Variants in OTOF observed in about 807,000 individuals in gnomAD.
The protein encoded by OTOF is fer-1-like family member 2.
Under a neutral mutation model 236.8 loss-of-function variants are expected in OTOF, and 218 were observed. That is an observed-to-expected ratio of 0.92 (90% confidence interval 0.82 to 1.03). The LOEUF is 1.03. OTOF is among the 50% of genes least tolerant of loss of function. OTOF has a pLI of 0.00. For synonymous variants in OTOF, 1,041 were observed against 1,072.5 expected (o/e 0.97, Z 0.57); for missense variants, 2,590 against 2,694.4 (o/e 0.96, Z 0.86).
At chr2:26,545,591 T>G (rs1365092165) in intron 1 of OTOF, among the ~76,000 whole-genome samples, 2 of 152,166 alleles carry the variant, frequency 1.3e-5, no homozygotes, top group African/African-American at 4.8e-5. Flanking sequence ...ATGTTTAGTC[T>G]TTTAAAATTT....
intron 2 of OTOF, 104 bp downstream of exon 2, chr2:26,537,612 G>T (rs1335422743): frequency 2.3e-6 from 2 of 858,364 alleles, no homozygotes; most frequent in Non-Finnish European, 3.9e-6. Context: ...GAGCAGGCCA[G>T]TGCCTGGGAT....
At chr2:26,478,415 C>A (rs1201950435) in intron 18 of OTOF, among the ~76,000 whole-genome samples, 2 of 152,158 alleles carry the variant, frequency 1.3e-5, no homozygotes, top group Admixed American at 6.5e-5. Flanking sequence ...GGTTTTAATT[C>A]ATTTTTATAA....
At chr2:26,486,690 C>T (rs890992145) in intron 11 of OTOF, among the ~76,000 whole-genome samples, 4 of 152,146 alleles carry the variant, frequency 2.6e-5, no homozygotes, top group Non-Finnish European at 5.9e-5. Context: ...GTAGTGAGTG[C>T]CCCATTTCTG....
At chr2:26,530,558 G>C (rs765725016) in intron 2 of OTOF, among the ~76,000 whole-genome samples, 1 of 152,144 alleles carries the variant, frequency 6.6e-6, no homozygotes, top group African/African-American at 2.4e-5. Flanking sequence ...TCTCTGACTT[G>C]CTCCCACCTT....
In OTOF at chr2:26,470,849, A is replaced by C. The variant is rs539692022; in HGVS notation, c.3895-128T>G. On this transcript the variant is annotated intron_variant, in intron 31 of 46. Transcript: ENST00000272371. This position sits in a 1 kb window ranked among gnomAD's most constrained non-coding sequence, Gnocchi z 4.3. Reference sequence around the variant, plus strand: ...TCCATGAGGCTCTGTGGGGCCACCCATGTCCAAGGGGCAGGGCCTTATTTT... The same window carrying C: ...TCCATGAGGCTCTGTGGGGCCACCCCTGTCCAAGGGGCAGGGCCTTATTTT... 6.7e-7 allele frequency: 1 copy of C among 1,500,272 alleles called. No individual in the cohort carries two copies. Among genetic ancestry groups the C allele is most frequent in the East Asian group, 2.4e-5 (1 of 40,820 alleles). The allele number at this position is 1,500,272 out of a possible 1,614,324, so 92.9% of individuals were successfully genotyped here.
At chr2:26,522,418 TATAG>T (rs1666699130) in intron 3 of OTOF, among the ~76,000 whole-genome samples, 1 of 152,210 alleles carries the variant, frequency 6.6e-6, no homozygotes, top group Non-Finnish European at 1.5e-5. Flanking sequence ...GCCCGTCTTC[TATAG>T]ATATTCTTTG....
intron 3 of OTOF, among the ~76,000 whole-genome samples, chr2:26,520,905 C>G (rs867194725): frequency 1.3e-5 from 2 of 152,220 alleles, no homozygotes; most frequent in Non-Finnish European, 2.9e-5. Context: ...CTTGTGAAAA[C>G]ATGCACGGCT....
chr2:26,500,258 C>G (rs1053001433), intron 8 of OTOF, among the ~76,000 whole-genome samples: 3 of 152,176 alleles, frequency 2.0e-5, no homozygotes, highest in Admixed American at 2.0e-4. Flanking sequence ...GCAGTAACAC[C>G]TATATTTGGG....
intron 6 of OTOF, among the ~76,000 whole-genome samples, chr2:26,503,142 G>C (rs1014352521): frequency 6.6e-6 from 1 of 152,218 alleles, no homozygotes; most frequent in Admixed American, 6.5e-5. Context: ...GAGGGCAGCC[G>C]GGAGCCCCGA....
At position 26,537,736 on chromosome 2, in the gene OTOF, C is replaced by G; in HGVS notation, c.118G>C (p.Asp40His). 6.4e-7 allele frequency: 1 copy of G among 1,555,416 alleles called. No individual in the cohort carries two copies. Among genetic ancestry groups the G allele is most frequent in the African/African-American group, 1.4e-5 (1 of 73,302 alleles). ...CCTACCTCATCAAAGTCAGCCACAT[C>G]CTCACAGTTCTCCAGGACCCGAGAG... The part of the protein sequence containing the change: ...FYSRVLENCE[D>H]VADFDETFRW... Residue 40 changes from aspartate (D) to histidine (H), a missense_variant, in exon 2 of 47, where the codon GAT becomes CAT. Coordinates refer to ENST00000272371, the MANE Select transcript of OTOF (RefSeq NM_194248.3).
intron 11 of OTOF, among the ~76,000 whole-genome samples, chr2:26,488,343 C>A (rs1235077725): frequency 1.3e-5 from 2 of 152,214 alleles, no homozygotes; most frequent in Non-Finnish European, 2.9e-5. Context: ...CTAATGGGGT[C>A]ATTACAGCAC....
intron 3 of OTOF, among the ~76,000 whole-genome samples, chr2:26,521,928 T>A (rs1444880348): frequency 6.6e-6 from 1 of 152,226 alleles, no homozygotes; most frequent in Non-Finnish European, 1.5e-5. Context: ...GGCACTCGGA[T>A]GCCAGCCCCT....
At chr2:26,490,246 T>C (rs1297770475) in intron 9 of OTOF, among the ~76,000 whole-genome samples, 2 of 152,226 alleles carry the variant, frequency 1.3e-5, no homozygotes, top group South Asian at 2.1e-4. Context: ...CTGTAAGATA[T>C]ACTACGGTTT....
At chr2:26,472,242 AC>A in intron 30 of OTOF, 1 of 490,968 alleles carries the variant, frequency 2.0e-6, no homozygotes, top group South Asian at 2.0e-5. Context: ...GCACAAATGC[AC>A]ATACATCACA....
At position 26,558,729 on chromosome 2, in the gene OTOF, G is replaced by A. The variant is rs888990161; in HGVS notation, c.-158C>T. The A allele has an allele frequency of 3.2e-6, 2 of 634,796 alleles. No homozygotes were observed. The highest frequency in any genetic ancestry group is 3.7e-5 in the African/African-American group (2 of 54,658). The allele number at this position is 634,796 out of a possible 1,614,324, so 39.3% of individuals were successfully genotyped here. A position where few individuals can be genotyped will look rare whatever the true frequency, so the allele number is the denominator to read the frequency against. ...CCACAGAGACCAAGGCAACCAAGCCGAGCTAAGCTGCTCCTGCAGCGACTC... is the reference window on the plus strand; with the variant it reads ...CCACAGAGACCAAGGCAACCAAGCCAAGCTAAGCTGCTCCTGCAGCGACTC... On this transcript the variant is annotated 5_prime_UTR_variant, in exon 1 of 47. Transcript: ENST00000272371.
At position 26,537,691 on chromosome 2, in the gene OTOF, G is replaced by A. The variant is rs1182738320; in HGVS notation, c.138+25C>T. On this transcript the variant is annotated intron_variant, in intron 2 of 46. Transcript: ENST00000272371. ...TTCCCCTCTGGGCTCAGGGCTGAGG[G>A]AGGGGGGAGTCTTGGGCCTCCTACC... The A allele has an allele frequency of 2.6e-6, 4 of 1,539,374 alleles. No homozygotes were observed. In the South Asian group the frequency reaches 3.6e-5, roughly 14 times the overall value.
rs760661519 is a variant in OTOF, at chr2:26,474,102, T to C, written c.3297A>G (p.Pro1099=). 2 of 1,612,912 alleles carry C rather than the reference T, an allele frequency of 1.2e-6. No homozygotes were observed. Among genetic ancestry groups the C allele is most frequent in the South Asian group, 2.2e-5 (2 of 91,088 alleles). The change falls in exon 27 of 47, where the codon CCA becomes CCG. Residue 1099 remains proline (P), a synonymous_variant. Transcript: ENST00000272371. ...LAAFELLQIG[P]AGKADLPPIN... Reference sequence around the variant, plus strand: ...TGGGGGGCAGGTCAGCCTTCCCTGCTGGTCCAATCTGGGGAATGGGGGTCA... The same window carrying C: ...TGGGGGGCAGGTCAGCCTTCCCTGCCGGTCCAATCTGGGGAATGGGGGTCA...
At position 26,460,661 on chromosome 2, in the gene OTOF, G is replaced by A. The variant is rs1664416833; in HGVS notation, c.5799C>T (p.Pro1933=). 1 of 1,614,028 alleles carries A rather than the reference G, an allele frequency of 6.2e-7. No homozygotes were observed. The highest frequency in any genetic ancestry group is 8.5e-7 in the Non-Finnish European group (1 of 1,179,918). The change falls in exon 45 of 47, where the codon CCC becomes CCT. Residue 1933 remains proline (P), a synonymous_variant. Coordinates refer to ENST00000272371, the MANE Select transcript of OTOF (RefSeq NM_194248.3). This position sits in a 1 kb window ranked among gnomAD's most constrained non-coding sequence, Gnocchi z 5.3. ...AGGGCACTCACTTGGGTTTCTCTAG[G>A]GGGTCAGGTTCATTGCGGGCCAGGC... The part of the protein sequence containing the change: ...PVGLARNEPD[P]LEKPNRPDTS...
intron 5 of OTOF, among the ~76,000 whole-genome samples, chr2:26,514,257 G>A (rs989451176): frequency 6.6e-5 from 10 of 152,280 alleles, no homozygotes; most frequent in Admixed American, 5.2e-4. Flanking sequence ...GGGTGGGGGT[G>A]CCTGGCTTCG....
Sources: gnomAD v4.1 joint callset for allele counts (sites outside exome capture counted in the v4.1 genomes callset) on GRCh38, gnomAD v4.1.1 for gene constraint, Gnocchi (gnomAD v3.1) non-coding constraint, MANE v1.5 for transcripts, NCBI Gene and HGNC (gene_info 2026-07-23, HGNC 2026-07-21) for gene names.